The following ANOS1 variants were observed in gnomAD, a reference collection of about 807,000 sequenced individuals.
The protein encoded by ANOS1 is anosmin-1.
In ANOS1, 6 loss-of-function variants were observed where a neutral mutation model predicts 59.0. The observed-to-expected ratio is 0.10, with a 90% CI of 0.06 to 0.20. ANOS1 has a LOEUF of 0.20. ANOS1 is among the 10% of genes least tolerant of loss of function. The probability of loss-of-function intolerance (pLI) is 1.00; values close to 1 mark genes in which losing one functional copy is unlikely to be tolerated. For missense variants in ANOS1, 433 were observed against 542.3 expected (o/e 0.80, Z 2.00); for synonymous variants, 217 against 223.4 (o/e 0.97, Z 0.25).
intron 3 of ANOS1, among the ~76,000 whole-genome samples, chrX:8,618,210 A>C (rs1160825946): frequency 8.9e-6 from 1 of 112,380 alleles, no homozygotes; most frequent in Admixed American, 9.4e-5. Context: ...GCAAAATCGC[A>C]AAGAAATTAC....
chrX:8,578,930 T>C (rs1038055435), intron 6 of ANOS1, among the ~76,000 whole-genome samples: 1 of 112,121 alleles, frequency 8.9e-6, no homozygotes, highest in Non-Finnish European at 1.9e-5. Context: ...TATTGACACA[T>C]AGATGTAGTC....
At chrX:8,567,780 C>G (rs1040593884) in intron 8 of ANOS1, among the ~76,000 whole-genome samples, 2 of 111,087 alleles carry the variant, frequency 1.8e-5, no homozygotes, top group Non-Finnish European at 3.8e-5. Context: ...GGTGACAGAG[C>G]TAGACTCTGT....
At chrX:8,721,664 T>A (rs1256599189) in intron 1 of ANOS1, among the ~76,000 whole-genome samples, 1 of 111,950 alleles carries the variant, frequency 8.9e-6, no homozygotes, top group African/African-American at 3.2e-5. Flanking sequence ...AGGATCTCCA[T>A]AGAGATCAAC....
intron 8 of ANOS1, among the ~76,000 whole-genome samples, chrX:8,561,562 G>A (rs1415425326): frequency 9.8e-5 from 10 of 102,130 alleles, no homozygotes; most frequent in Non-Finnish European, 1.8e-4. Context: ...TGATCCACCC[G>A]ACTCGGCCTC....
intron 6 of ANOS1, among the ~76,000 whole-genome samples, chrX:8,584,911 C>G (rs1338497095): frequency 9.0e-6 from 1 of 111,658 alleles, no homozygotes; most frequent in Non-Finnish European, 1.9e-5. Context: ...GCTATTTTGT[C>G]TAGAATAGCT....
intron 8 of ANOS1, among the ~76,000 whole-genome samples, chrX:8,555,434 T>C (rs1341180824): frequency 9.0e-6 from 1 of 110,783 alleles, no homozygotes; most frequent in African/African-American, 3.3e-5. Context: ...AATCAATGAA[T>C]CCAGAAGCTG....
intron 1 of ANOS1, among the ~76,000 whole-genome samples, chrX:8,708,498 C>A (rs747401494): frequency 1.8e-5 from 2 of 111,807 alleles, no homozygotes; most frequent in East Asian, 2.8e-4. Flanking sequence ...ATGTGGCCAA[C>A]AAACATATGA....
chrX:8,662,746 G>C (rs1031723473), intron 2 of ANOS1, among the ~76,000 whole-genome samples: 16 of 112,540 alleles, frequency 1.4e-4, no homozygotes, highest in African/African-American at 4.8e-4. Context: ...AGAAGGCCAG[G>C]TGCCGTGGCT....
intron 2 of ANOS1, among the ~76,000 whole-genome samples, chrX:8,660,514 T>A (rs1433279507): frequency 3.6e-5 from 4 of 111,282 alleles, no homozygotes; most frequent in Non-Finnish European, 5.7e-5. Context: ...GGGGCTCATA[T>A]CTGTCATCCC....
intron 2 of ANOS1, among the ~76,000 whole-genome samples, chrX:8,669,366 T>C (rs749189294): frequency 7.2e-4 from 80 of 111,474 alleles, no homozygotes; most frequent in African/African-American, 2.4e-3. Context: ...TAAACCCCAA[T>C]GTAAACTATG....
intron 2 of ANOS1, among the ~76,000 whole-genome samples, chrX:8,643,719 G>C (rs1461131407): frequency 9.0e-6 from 1 of 111,611 alleles, no homozygotes; most frequent in Non-Finnish European, 1.9e-5. Context: ...GGTCTGAATA[G>C]GAAACATTTG....
chrX:8,567,502 A>G (rs191935927), intron 8 of ANOS1, among the ~76,000 whole-genome samples: 1 of 112,414 alleles, frequency 8.9e-6, no homozygotes, highest in Non-Finnish European at 1.9e-5. Context: ...TTGCACAAAA[A>G]TAAGTGTATT....
intron 2 of ANOS1, among the ~76,000 whole-genome samples, chrX:8,624,692 C>G (rs1931361712): frequency 9.0e-6 from 1 of 110,925 alleles, no homozygotes; most frequent in South Asian, 3.7e-4. Flanking sequence ...CTCCATTGTT[C>G]AAGAACGTTT....
intron 6 of ANOS1, among the ~76,000 whole-genome samples, chrX:8,571,807 T>G (rs1400946377): frequency 1.8e-5 from 2 of 112,156 alleles, no homozygotes; most frequent in African/African-American, 6.5e-5. Context: ...CATTTCAAGA[T>G]GCCATCACGG....
intron 3 of ANOS1, among the ~76,000 whole-genome samples, chrX:8,620,199 T>C (rs1931264914): frequency 8.9e-6 from 1 of 112,574 alleles, no homozygotes. Context: ...AAGTACTCAA[T>C]TCTGTTGTTG....
intron 8 of ANOS1, chrX:8,566,294 C>G (rs1930111464): frequency 1.4e-6 from 1 of 729,198 alleles, no homozygotes; most frequent in Admixed American, 8.9e-5. Context: ...AAGGCAGAAA[C>G]CAAAATACAT....
chrX:8,555,885 C>T (rs1929941555), intron 8 of ANOS1, among the ~76,000 whole-genome samples: 1 of 112,240 alleles, frequency 8.9e-6, no homozygotes, highest in Non-Finnish European at 1.9e-5. Context: ...GGCAGAGATA[C>T]AACAAAAAAA....
chrX:8,610,408 C>T (rs952836517), intron 3 of ANOS1, among the ~76,000 whole-genome samples: 15 of 111,834 alleles, frequency 1.3e-4, no homozygotes, highest in Non-Finnish European at 2.3e-4. Context: ...GCAAGGAAGG[C>T]TAATCCCAAG....
chrX:8,633,001 C>T (rs1410129887), intron 2 of ANOS1, among the ~76,000 whole-genome samples: 3 of 111,321 alleles, frequency 2.7e-5, no homozygotes, highest in Non-Finnish European at 5.7e-5. Context: ...TCATGGCCTC[C>T]CTCCAGCTCT....
Sources: gnomAD v4.1 joint callset for allele counts (sites outside exome capture counted in the v4.1 genomes callset) on GRCh38, gnomAD v4.1.1 for gene constraint, MANE v1.5 for transcripts, NCBI Gene and HGNC (gene_info 2026-07-23, HGNC 2026-07-21) for gene names.